The following AOAH variants were observed in gnomAD, a reference collection of about 807,000 sequenced individuals.
The protein encoded by AOAH is acyloxyacyl hydrolase.
A neutral mutation model predicts 92.2 loss-of-function variants in AOAH; 64 were observed. The ratio of observed to expected loss-of-function variants is 0.69; its 90% confidence interval spans 0.57 to 0.86. The LOEUF is 0.86. Among genes scored for constraint, AOAH ranks in the 40% least tolerant of loss-of-function variants. The pLI, the probability that AOAH is intolerant of heterozygous loss-of-function variation, is 0.00. For missense variants in AOAH, 656 were observed against 694.6 expected (o/e 0.94, Z 0.62); for synonymous variants, 263 against 254.5 (o/e 1.03, Z -0.32).
chr7:36,616,952 A>G (rs1344093585), intron 10 of AOAH, among the ~76,000 whole-genome samples: 2 of 152,206 alleles, frequency 1.3e-5, no homozygotes, highest in African/African-American at 4.8e-5. Flanking sequence ...GATGATTCTG[A>G]CTGATGGAGA....
rs1784726558 is a variant in AOAH, at chr7:36,532,071, C to A, written c.1425+76G>T. The A allele has an allele frequency of 3.2e-6, 5 of 1,538,484 alleles. No individual in the cohort carries two copies. In the South Asian group the frequency reaches 5.6e-5, roughly 17 times the overall value. ...GACCATCTGCCTGCCAGGATCCCAT[C>A]CCCAGTGAAAACTCTGCAGCAAACA... On this transcript the variant is annotated intron_variant, in intron 18 of 20. Coordinates refer to ENST00000617537, the MANE Select transcript of AOAH (RefSeq NM_001637.4).
At chr7:36,656,555 GAC>G (rs1347834670) in intron 4 of AOAH, among the ~76,000 whole-genome samples, 1 of 152,058 alleles carries the variant, frequency 6.6e-6, no homozygotes, top group Admixed American at 6.6e-5. Context: ...CTCTACTACA[GAC>G]AGAGGAGGCA....
intron 4 of AOAH, among the ~76,000 whole-genome samples, chr7:36,650,755 C>G (rs747107155): frequency 1.3e-5 from 2 of 152,190 alleles, no homozygotes; most frequent in Non-Finnish European, 2.9e-5. Context: ...CGTTCTCATC[C>G]TATTTTTTAC....
At chr7:36,570,938 C>T (rs1788099772) in intron 13 of AOAH, among the ~76,000 whole-genome samples, 1 of 152,188 alleles carries the variant, frequency 6.6e-6, no homozygotes, top group African/African-American at 2.4e-5. Flanking sequence ...AATATCGGCC[C>T]CATGTGGCTT....
At chr7:36,601,207 C>T (rs1458583741) in intron 11 of AOAH, among the ~76,000 whole-genome samples, 1 of 152,170 alleles carries the variant, frequency 6.6e-6, no homozygotes, top group Non-Finnish European at 1.5e-5. Context: ...TAAACTAAGG[C>T]TTTAATATAG....
intron 1 of AOAH, among the ~76,000 whole-genome samples, chr7:36,704,975 G>C (rs375940221): frequency 1.3e-5 from 2 of 152,034 alleles, no homozygotes; most frequent in East Asian, 3.9e-4. Context: ...AATAAACTAG[G>C]TATTGATGGA....
chr7:36,576,526 C>G (rs750552820), intron 13 of AOAH, 48 bp downstream of exon 13: 1 of 1,105,350 alleles, frequency 9.0e-7, no homozygotes, highest in Non-Finnish European at 1.3e-6. Context: ...GAAATAAACT[C>G]AATCATTACA....
At chr7:36,715,484 C>T (rs1799086872) in intron 1 of AOAH, among the ~76,000 whole-genome samples, 1 of 150,918 alleles carries the variant, frequency 6.6e-6, no homozygotes, top group Admixed American at 6.6e-5. Flanking sequence ...CTTTAAAGTT[C>T]ATATGGAACC....
chr7:36,657,674 G>A lies in AOAH; in HGVS notation c.390+1492C>T, dbSNP rs147769951. Among the ~76,000 whole-genome samples, 53 of 152,332 alleles carry A rather than the reference G, an allele frequency of 3.5e-4. No individual in the cohort carries two copies. In the East Asian group the frequency reaches 9.7e-3, roughly 28 times the overall value. Reference sequence around the variant, plus strand: ...CACAGGCTGCCCAGCAGCACTGAATGCTAGCTGGGGTAGAAGGTGGCGGTT... The same window carrying A: ...CACAGGCTGCCCAGCAGCACTGAATACTAGCTGGGGTAGAAGGTGGCGGTT... On this transcript the variant is annotated intron_variant, in intron 4 of 20. Coordinates refer to ENST00000617537, the MANE Select transcript of AOAH (RefSeq NM_001637.4).
chr7:36,628,595 G>C (rs1253276839), intron 6 of AOAH, among the ~76,000 whole-genome samples: 1 of 152,026 alleles, frequency 6.6e-6, no homozygotes, highest in Non-Finnish European at 1.5e-5. Flanking sequence ...AGGGAGCTGG[G>C]GGCACTGAAG....
intron 19 of AOAH, among the ~76,000 whole-genome samples, chr7:36,525,897 T>C (rs977602955): frequency 2.6e-5 from 4 of 152,090 alleles, no homozygotes; most frequent in Middle Eastern, 3.2e-3. Flanking sequence ...AATCCCATAA[T>C]TGTGGGGATC....
chr7:36,684,962 AAG>A (rs999635050), intron 2 of AOAH, among the ~76,000 whole-genome samples: 5 of 146,594 alleles, frequency 3.4e-5, no homozygotes, highest in Admixed American at 1.4e-4. Flanking sequence ...GAAGAAGAAG[AAG>A]AGAGAAAAGA....
intron 15 of AOAH, among the ~76,000 whole-genome samples, chr7:36,547,878 C>T (rs1046582681): frequency 1.6e-4 from 24 of 152,258 alleles, no homozygotes; most frequent in African/African-American, 4.3e-4. Flanking sequence ...ATGAGTTATC[C>T]GCAGTTTCTT....
chr7:36,681,068 C>T (rs539471859), intron 2 of AOAH, among the ~76,000 whole-genome samples: 6 of 152,252 alleles, frequency 3.9e-5, no homozygotes, highest in East Asian at 3.9e-4. Flanking sequence ...CTTCGGACGA[C>T]GCAACTTTGC....
chr7:36,602,239 GCT>G lies in AOAH; in HGVS notation c.847-7811_847-7810del, dbSNP rs922878546. On this transcript the variant is annotated intron_variant, in intron 11 of 20. Coordinates refer to ENST00000617537, the MANE Select transcript of AOAH (RefSeq NM_001637.4). ...TGTTTCATCATTTTGCTTGAATGCA[GCT>G]CTTTTTATTTATTTATTTTTACCTT... Among the ~76,000 whole-genome samples, 283 of 152,156 alleles carry G rather than the reference GCT, an allele frequency of 1.9e-3. 1 individual carries two copies. Among genetic ancestry groups the G allele is most frequent in the African/African-American group, 6.5e-3 (270 of 41,500 alleles).
At chr7:36,703,067 CA>C (rs1399109442) in intron 1 of AOAH, among the ~76,000 whole-genome samples, 2 of 152,140 alleles carry the variant, frequency 1.3e-5, no homozygotes, top group African/African-American at 2.4e-5. Context: ...CCATAAGAAG[CA>C]ATTCCTCATC....
At chr7:36,515,352 AC>A (rs1201290638) in intron 20 of AOAH, among the ~76,000 whole-genome samples, 16 of 60,754 alleles carry the variant, frequency 2.6e-4, no homozygotes, top group Admixed American at 4.3e-4. Context: ...ATAATCACAC[AC>A]CCCCACACAC....
At chr7:36,573,311 A>G (rs1326086152) in intron 13 of AOAH, among the ~76,000 whole-genome samples, 2 of 152,140 alleles carry the variant, frequency 1.3e-5, no homozygotes, top group Non-Finnish European at 2.9e-5. Context: ...GAGCCACTGC[A>G]AGCCCCTCCT....
chr7:36,533,926 G>A (rs550092187), intron 16 of AOAH, among the ~76,000 whole-genome samples: 34 of 152,218 alleles, frequency 2.2e-4, no homozygotes, highest in Admixed American at 6.5e-4. Flanking sequence ...CCATCTTGTC[G>A]CTATGTTGGA....
Sources: gnomAD v4.1 joint callset for allele counts (sites outside exome capture counted in the v4.1 genomes callset) on GRCh38, gnomAD v4.1.1 for gene constraint, MANE v1.5 for transcripts, NCBI Gene and HGNC (gene_info 2026-07-23, HGNC 2026-07-21) for gene names.